The following MEGF10 variants were observed in gnomAD, a reference collection of about 807,000 sequenced individuals.
MEGF10 encodes multiple EGF like domains 10, also known as multiple epidermal growth factor-like domains protein 10.
MEGF10 carries 86 observed loss-of-function variants against 147.5 expected under a neutral mutation model. That is an observed-to-expected ratio of 0.58 (90% CI 0.49 to 0.70). The LOEUF (loss-of-function observed/expected upper bound fraction) is 0.70. Among genes scored for constraint, MEGF10 ranks in the 30% least tolerant of loss-of-function variants. The pLI is 0.00. For missense variants in MEGF10, 1,329 were observed against 1,487.3 expected (o/e 0.89, Z 1.75); for synonymous variants, 478 against 525.5 (o/e 0.91, Z 1.24).
chr5:127,309,965 C>CTTTCTTTCTTTCT (rs1561561891), intron 1 of MEGF10, among the ~76,000 whole-genome samples: 1 of 64,198 alleles, frequency 1.6e-5, no homozygotes, highest in African/African-American at 6.4e-5. Context: ...TTCTTTCTTT[C>CTTTCTTTCTTTCT]TTTCTTTCTT....
chr5:127,276,730 A>G, the MEGF10 span, among the ~76,000 whole-genome samples: 1 of 152,180 alleles, frequency 6.6e-6, no homozygotes, highest in Non-Finnish European at 1.5e-5. Flanking sequence ...AAAATAGGCA[A>G]AGATTAAGAA....
At chr5:127,306,594 C>T (rs1760023269) in intron 1 of MEGF10, among the ~76,000 whole-genome samples, 1 of 152,154 alleles carries the variant, frequency 6.6e-6, no homozygotes, top group African/African-American at 2.4e-5. Flanking sequence ...GCTGCTGTGC[C>T]CCAGAAGAAA....
intron 5 of MEGF10, among the ~76,000 whole-genome samples, chr5:127,378,526 C>T (rs988587979): frequency 6.6e-6 from 1 of 152,196 alleles, no homozygotes; most frequent in African/African-American, 2.4e-5. Context: ...GACCATAGCT[C>T]ACTGCAGCCT....
chr5:127,428,312 T>C (rs1256526940), intron 13 of MEGF10, among the ~76,000 whole-genome samples: 4 of 152,108 alleles, frequency 2.6e-5, no homozygotes, highest in Admixed American at 1.3e-4. Flanking sequence ...TTAACAACCA[T>C]TTGTTGAGTG....
Position 127,356,699 on chromosome 5 carries a change from A to AGGT in MEGF10, c.320-13210_320-13208dup, listed in dbSNP as rs137923998. 2.4e-3 allele frequency among the ~76,000 whole-genome samples: 363 copies of AGGT among 152,358 alleles called. 1 individual carries two copies. The highest frequency in any genetic ancestry group is 8.2e-3 in the African/African-American group (340 of 41,590). ...TACATGTTGATCCAGGGAGGAGAAT[A>AGGT]GGTTTCCAGAAACTTGGATCCTAGG... On this transcript the variant is annotated intron_variant, in intron 4 of 24. Coordinates refer to ENST00000503335, the MANE Select transcript of MEGF10 (RefSeq NM_001256545.2).
At chr5:127,412,507 A>G (rs1764612492) in intron 9 of MEGF10, among the ~76,000 whole-genome samples, 1 of 152,242 alleles carries the variant, frequency 6.6e-6, no homozygotes. Flanking sequence ...CTGTTACATA[A>G]TTTATGATAT....
At chr5:127,268,176 C>T in the MEGF10 span, among the ~76,000 whole-genome samples, 1 of 152,112 alleles carries the variant, frequency 6.6e-6, no homozygotes, top group African/African-American at 2.4e-5. Flanking sequence ...TCGTTATGTA[C>T]CCAGTAGTCA....
the MEGF10 span, chr5:127,229,842 G>A: frequency 2.6e-5 from 4 of 152,238 alleles, no homozygotes; most frequent in South Asian, 8.3e-4. Context: ...GGGGGCCGAA[G>A]CAGGGACGCC....
chr5:127,362,556 A>T (rs1012836841), intron 4 of MEGF10, among the ~76,000 whole-genome samples: 1 of 151,460 alleles, frequency 6.6e-6, no homozygotes, highest in Non-Finnish European at 1.5e-5. Flanking sequence ...AGTAGAGATG[A>T]GGTTTCACCG....
chr5:127,450,369 T>C (rs1766107608), intron 22 of MEGF10, among the ~76,000 whole-genome samples: 1 of 152,108 alleles, frequency 6.6e-6, no homozygotes, highest in African/African-American at 2.4e-5. Flanking sequence ...TATGTGTATA[T>C]ATAGTTTTGA....
upstream of MEGF10, among the ~76,000 whole-genome samples, chr5:127,289,216 G>A (rs147288774): frequency 5.9e-5 from 9 of 152,266 alleles, no homozygotes; most frequent in Middle Eastern, 3.4e-3. Flanking sequence ...GTAATATATG[G>A]AATGTAACTT....
chr5:127,365,731 A>G (rs1423601559), intron 4 of MEGF10, among the ~76,000 whole-genome samples: 1 of 152,244 alleles, frequency 6.6e-6, no homozygotes, highest in Non-Finnish European at 1.5e-5. Context: ...CCTCTAAAAA[A>G]GATCTGGACT....
chr5:127,338,365 C>G (rs1160481837), intron 2 of MEGF10, among the ~76,000 whole-genome samples: 1 of 152,080 alleles, frequency 6.6e-6, no homozygotes, highest in African/African-American at 2.4e-5. Context: ...GTCTGGAATT[C>G]AACAGTGAGT....
At position 127,315,100 on chromosome 5, in the gene MEGF10, G is replaced by A. The variant is rs76518372; in HGVS notation, c.-18-16191G>A. Among the ~76,000 whole-genome samples, 383 of 152,250 alleles carry A rather than the reference G, an allele frequency of 2.5e-3. 2 individuals are homozygous for A. Among genetic ancestry groups the A allele is most frequent in the African/African-American group, 8.8e-3 (364 of 41,578 alleles). ...GAGGACAAGAACAGAAGAGATTAAG[G>A]AAAATGTCAGAGATTGCAAAGCTTG... On this transcript the variant is annotated intron_variant, in intron 1 of 24. Transcript: ENST00000503335.
At chr5:127,303,066 G>A (rs1205665978) in intron 1 of MEGF10, among the ~76,000 whole-genome samples, 1 of 152,126 alleles carries the variant, frequency 6.6e-6, no homozygotes, top group Admixed American at 6.5e-5. Context: ...GGTCAGTGCA[G>A]TGGCTCATGC....
intron 5 of MEGF10, among the ~76,000 whole-genome samples, chr5:127,381,393 A>C (rs1359424724): frequency 6.6e-6 from 1 of 152,212 alleles, no homozygotes; most frequent in Non-Finnish European, 1.5e-5. Flanking sequence ...AAATCTTTAT[A>C]ATTTCTTTCA....
At chr5:127,354,158 T>G (rs528309251) in intron 4 of MEGF10, among the ~76,000 whole-genome samples, 1 of 152,324 alleles carries the variant, frequency 6.6e-6, no homozygotes, top group Admixed American at 6.5e-5. Flanking sequence ...GGTGTCTATA[T>G]GAAAAATAGT....
chr5:127,448,703 C>T (rs1170721780), intron 21 of MEGF10, among the ~76,000 whole-genome samples: 2 of 151,912 alleles, frequency 1.3e-5, no homozygotes, highest in Non-Finnish European at 2.9e-5. Context: ...ATCTTATCCT[C>T]ATGTTTACGC....
chr5:127,424,274 T>C (rs1765133310), intron 13 of MEGF10: 5 of 699,562 alleles, frequency 7.1e-6, no homozygotes, highest in Admixed American at 4.0e-5. Context: ...TTGATTATTG[T>C]AGCTTAGGAG....
Sources: allele counts gnomAD v4.1 joint callset (sites outside exome capture counted in the v4.1 genomes callset), GRCh38; gene constraint gnomAD v4.1.1; transcripts MANE v1.5; gene names NCBI Gene and HGNC (gene_info 2026-07-23, HGNC 2026-07-21).